Variants in SCN1A observed in about 807,000 individuals in gnomAD.
SCN1A encodes the protein sodium voltage-gated channel alpha subunit 1, also known as sodium channel protein type 1 subunit alpha.
Under a neutral mutation model 193.7 loss-of-function variants are expected in SCN1A, and 13 were observed. That is an observed-to-expected ratio of 0.07 (90% CI 0.04 to 0.11). SCN1A has a LOEUF of 0.11. SCN1A is among the 10% of genes least tolerant of loss of function. The probability of loss-of-function intolerance (pLI) is 1.00; values close to 1 mark genes in which losing one functional copy is unlikely to be tolerated. For missense variants in SCN1A, 1,432 were observed against 2,451.1 expected, an observed-to-expected ratio of 0.58 and a Z score of 8.78; for synonymous variants, 781 against 843.6, an observed-to-expected ratio of 0.93 and a Z score of 1.29.
intron 2 of SCN1A, among the ~76,000 whole-genome samples, chr2:166,124,286 C>T (rs1371478992): frequency 6.6e-6 from 1 of 151,862 alleles, no homozygotes. Flanking sequence ...TGATGGCTCA[C>T]TCCTGTAATC....
intron 2 of SCN1A, among the ~76,000 whole-genome samples, 174 bp downstream of exon 2, chr2:166,126,750 G>A (rs1305153736): frequency 6.6e-6 from 1 of 152,170 alleles, no homozygotes; most frequent in Non-Finnish European, 1.5e-5. Context: ...TTAGTCACAT[G>A]CACATATTGA....
At chr2:166,071,301 T>C (rs1033178544) in intron 4 of SCN1A, among the ~76,000 whole-genome samples, 1 of 152,226 alleles carries the variant, frequency 6.6e-6, no homozygotes, top group Non-Finnish European at 1.5e-5. Flanking sequence ...GTTGATTAAA[T>C]AATAAAGTGC....
At chr2:166,106,186 CAAAACA>C (rs1385291880) in intron 2 of SCN1A, among the ~76,000 whole-genome samples, 3 of 151,936 alleles carry the variant, frequency 2.0e-5, no homozygotes, top group Admixed American at 6.5e-5. Flanking sequence ...GACTCCGTCT[CAAAACA>C]AAAACAAAAA....
At chr2:166,148,870 A>T (rs1692424641) in intron 1 of SCN1A, among the ~76,000 whole-genome samples, 1 of 152,152 alleles carries the variant, frequency 6.6e-6, no homozygotes, top group Non-Finnish European at 1.5e-5. Flanking sequence ...TGAATTTATG[A>T]TTTATTTACT....
chr2:166,147,696 C>T (rs1465312366), intron 1 of SCN1A, among the ~76,000 whole-genome samples: 1 of 151,956 alleles, frequency 6.6e-6, no homozygotes, highest in African/African-American at 2.4e-5. Context: ...AAAATCAGGC[C>T]CCGAGGGACC....
In SCN1A at chr2:166,041,358, A is replaced by C; in HGVS notation, c.2288T>G (p.Leu763Arg). 6.2e-7 allele frequency: 1 copy of C among 1,613,730 alleles called. No homozygotes were observed. The highest frequency in any genetic ancestry group is 1.1e-5 in the South Asian group (1 of 91,070). Residue 763 changes from leucine to arginine, a missense_variant, in exon 16 of 29, where the codon CTG becomes CGG. By Grantham distance (102) the Leu-to-Arg change is moderately radical. This residue lies in a region of SCN1A where 316 missense variants were observed against 362.1 expected (regional missense o/e 0.87). Coordinates refer to ENST00000674923, the MANE Select transcript of SCN1A (RefSeq NM_001165963.4). ...YWLKVKHVVN[L>R]VVMDPFVDLA... ...GTCAACAAATGGGTCCATCACAACCAGGTTGACAACATGTTTCACTTTTAA... is the reference window on the plus strand; with the variant it reads ...GTCAACAAATGGGTCCATCACAACCCGGTTGACAACATGTTTCACTTTTAA...
At chr2:166,019,399 C>A (rs558795451) in intron 19 of SCN1A, among the ~76,000 whole-genome samples, 2 of 152,186 alleles carry the variant, frequency 1.3e-5, no homozygotes, top group African/African-American at 4.8e-5. Context: ...TGGAGGTGTG[C>A]CTAATAATAC....
chr2:166,019,380 G>A lies in SCN1A; in HGVS notation c.3430-3653C>T, dbSNP rs1030265889. ...TATTCTACAGTCTGTCTGAACTACT[G>A]TAGGAAAGTGGAGGTGTGCCTAATA... On this transcript the variant is annotated intron_variant, in intron 19 of 28. Coordinates refer to ENST00000674923, the MANE Select transcript of SCN1A (RefSeq NM_001165963.4). 2.6e-5 allele frequency among the ~76,000 whole-genome samples: 4 copies of A among 152,288 alleles called. No individual in the cohort carries two copies. In the East Asian group the frequency reaches 5.8e-4, roughly 22 times the overall value.
At chr2:166,014,317 C>A (rs2105615292) in intron 20 of SCN1A, among the ~76,000 whole-genome samples, 1 of 151,484 alleles carries the variant, frequency 6.6e-6, no homozygotes, top group African/African-American at 2.4e-5. Flanking sequence ...TCTCTTCCAA[C>A]AATGCTGCAT....
chr2:166,105,472 G>A (rs7596593), intron 2 of SCN1A, among the ~76,000 whole-genome samples: 120,488 of 152,170 alleles, frequency 0.79, 48,200 homozygotes, highest in African/African-American at 0.9. Context: ...TTATGCTTCA[G>A]TGAAACCCTT....
intron 2 of SCN1A, among the ~76,000 whole-genome samples, chr2:166,117,878 G>C (rs991551225): frequency 6.6e-6 from 1 of 151,788 alleles, no homozygotes; most frequent in African/African-American, 2.4e-5. Flanking sequence ...CAGGAGAATC[G>C]CTTGAACCCA....
upstream of SCN1A, among the ~76,000 whole-genome samples, chr2:166,128,787 A>G (rs1364359026): frequency 3.9e-5 from 6 of 152,164 alleles, no homozygotes; most frequent in Non-Finnish European, 8.8e-5. Context: ...AGAGAGTCCA[A>G]TTGCCTATTA....
chr2:166,093,035 G>T (rs139756459), intron 2 of SCN1A, among the ~76,000 whole-genome samples: 1 of 152,008 alleles, frequency 6.6e-6, no homozygotes, highest in African/African-American at 2.4e-5. Context: ...CTCATCTATA[G>T]GCTTAACTGA....
intron 22 of SCN1A, among the ~76,000 whole-genome samples, chr2:166,010,526 CTTCATTTGTA>C (rs996485724): frequency 4.0e-5 from 6 of 151,182 alleles, no homozygotes; most frequent in African/African-American, 1.2e-4. Flanking sequence ...AATAAATTTA[CTTCATTTGTA>C]TTCATTTGTA....
intron 23 of SCN1A, among the ~76,000 whole-genome samples, chr2:166,006,572 C>T (rs1431748400): frequency 6.6e-6 from 1 of 151,236 alleles, no homozygotes; most frequent in East Asian, 1.9e-4. Flanking sequence ...CTGCATAATT[C>T]AAATAAGTGG....
intron 19 of SCN1A, among the ~76,000 whole-genome samples, chr2:166,026,921 G>C (rs1446960464): frequency 6.6e-6 from 1 of 151,754 alleles, no homozygotes; most frequent in Non-Finnish European, 1.5e-5. Context: ...CTGACCTCGT[G>C]ATTCGCCCGC....
intron 19 of SCN1A, among the ~76,000 whole-genome samples, chr2:166,033,469 T>TC (rs11463642): frequency 0.74 from 111,700 of 151,524 alleles, 41,552 homozygotes; most frequent in East Asian, 0.89. Flanking sequence ...CCCAGCACTT[T>TC]GGGAGGCTGA....
At chr2:166,132,764 T>A (rs2106289204), upstream of SCN1A, among the ~76,000 whole-genome samples, 1 of 152,150 alleles carries the variant, frequency 6.6e-6, no homozygotes, top group East Asian at 1.9e-4. Context: ...ATACATTCCA[T>A]AAATTAAAAA....
At chr2:166,001,398 A>G (rs898264931) in intron 24 of SCN1A, among the ~76,000 whole-genome samples, 7 of 151,824 alleles carry the variant, frequency 4.6e-5, no homozygotes, top group Admixed American at 2.6e-4. Flanking sequence ...GGTGGGAAGA[A>G]TTTGTAAAGT....
Sources: allele counts gnomAD v4.1 joint callset (sites outside exome capture counted in the v4.1 genomes callset), GRCh38; gene constraint gnomAD v4.1.1; regional missense constraint gnomAD v4.1.1; transcripts MANE v1.5; gene names NCBI Gene and HGNC (gene_info 2026-07-23, HGNC 2026-07-21).